Variants in GLCCI1 observed in about 807,000 individuals in gnomAD.
GLCCI1 encodes glucocorticoid induced 1, also known as glucocorticoid-induced transcript 1 protein.
A neutral mutation model predicts 52.2 loss-of-function variants in GLCCI1; 24 were observed. The observed-to-expected ratio is 0.46, with a 90% CI of 0.33 to 0.65. GLCCI1 has a LOEUF of 0.65. Ranked by LOEUF, GLCCI1 falls within the 30% of genes least tolerant of loss-of-function variation. The probability of loss-of-function intolerance (pLI) is 0.02; values close to 1 mark genes in which losing one functional copy is unlikely to be tolerated. For synonymous variants in GLCCI1, 310 were observed against 276.5 expected, an observed-to-expected ratio of 1.12 and a Z score of -1.20; for missense variants, 704 against 701.5, an observed-to-expected ratio of 1.00 and a Z score of -0.04.
chr7:8,008,312 G>A (rs1375918047), intron 2 of GLCCI1, among the ~76,000 whole-genome samples: 1 of 150,226 alleles, frequency 6.7e-6, no homozygotes, highest in Non-Finnish European at 1.5e-5. Flanking sequence ...TTGAGACAGG[G>A]TCTTGTTCTG....
intron 1 of GLCCI1, among the ~76,000 whole-genome samples, chr7:7,988,154 C>T (rs1243317914): frequency 6.6e-6 from 1 of 152,106 alleles, no homozygotes; most frequent in African/African-American, 2.4e-5. Context: ...AGAACTAAGG[C>T]AGCACTGGAG....
rs549520196 is a variant in GLCCI1 at position 7,975,440 on chromosome 7, A to C, written c.457+5633A>C. Among the ~76,000 whole-genome samples, 38 of 152,336 alleles carry C rather than the reference A, an allele frequency of 2.5e-4. No homozygotes were observed. The South Asian group carries it at 6.6e-3, about 27-fold the overall frequency. ...ATATTTGTGTGCTAACTATATACCA[A>C]GCAATGTATACTTTGATTCAGCAAG... is the stretch of plus-strand genomic sequence containing the variant. On this transcript the variant is annotated intron_variant, in intron 1 of 7. Transcript: ENST00000223145.
At chr7:8,021,504 C>T (rs1466467912) in intron 2 of GLCCI1, among the ~76,000 whole-genome samples, 8 of 151,970 alleles carry the variant, frequency 5.3e-5, no homozygotes, top group African/African-American at 1.7e-4. Flanking sequence ...CCTCTGCCTC[C>T]CGGGTTCAAG....
At position 8,047,952 on chromosome 7, in the gene GLCCI1, G is replaced by A. The variant is rs576449764; in HGVS notation, c.697-7481G>A. ...TTCTCCCAGAGTGTACTGCTGCTGG[G>A]TGACTTATCATGGGTGAAGGGATCC... On this transcript the variant is annotated intron_variant, in intron 3 of 7. Coordinates refer to ENST00000223145, the MANE Select transcript of GLCCI1 (RefSeq NM_138426.4). Among the ~76,000 whole-genome samples the A allele has an allele frequency of 2.6e-5, 4 of 152,228 alleles. No individual in the cohort carries two copies. The East Asian group carries it at 7.7e-4, about 29-fold the overall frequency.
At chr7:8,060,338 T>C in intron 5 of GLCCI1, 90 bp downstream of exon 5, 1 of 1,013,402 alleles carries the variant, frequency 9.9e-7, no homozygotes. Flanking sequence ...TTTGTTAAGA[T>C]ATAATTCACA....
rs60921023 is a variant in GLCCI1 at position 8,068,523 on chromosome 7, A to G, written c.967-2398A>G. The stretch of plus-strand genomic sequence containing the variant: ...GGTTCCTTCTTACAATGGCCATTTC[A>G]TCAATCAGCTCCTGTATTATTTTAT... On this transcript the variant is annotated intron_variant, in intron 5 of 7. Transcript: ENST00000223145. Among the ~76,000 whole-genome samples, 1,388 of 152,298 alleles carry G rather than the reference A, an allele frequency of 9.1e-3. 19 individuals carry two copies. The highest frequency in any genetic ancestry group is 0.034 in the Middle Eastern group (10 of 294).
chr7:7,990,605 C>G (rs1245451528), intron 1 of GLCCI1, among the ~76,000 whole-genome samples: 2 of 152,040 alleles, frequency 1.3e-5, no homozygotes, highest in African/African-American at 2.4e-5. Context: ...TGTATGCAGA[C>G]ATAGACTGGT....
At chr7:8,029,665 C>T (rs1017536021) in intron 3 of GLCCI1, among the ~76,000 whole-genome samples, 3 of 146,360 alleles carry the variant, frequency 2.0e-5, no homozygotes, top group Non-Finnish European at 4.5e-5. Flanking sequence ...CTGGAAAAAC[C>T]CAGACTCCAT....
At chr7:8,044,235 G>A (rs1782070550) in intron 3 of GLCCI1, among the ~76,000 whole-genome samples, 2 of 152,130 alleles carry the variant, frequency 1.3e-5, no homozygotes, top group Non-Finnish European at 2.9e-5. Context: ...ATGAGCCACC[G>A]TGCCTGGCCA....
chr7:8,004,067 C>T lies in GLCCI1; in HGVS notation c.609+8C>T, dbSNP rs369646524. On this transcript the variant is annotated splice_region_variant and intron_variant, in intron 2 of 7. Transcript: ENST00000223145. ...AAAGACAAAGCTACTCAGGTAAAAT[C>T]AGGAAATCAAAATCAGCTTATTACC... The T allele has an allele frequency of 5.1e-5, 82 of 1,610,718 alleles. No homozygotes were observed. The African/African-American group carries it at 8.9e-4, about 18-fold the overall frequency.
In GLCCI1 at chr7:8,022,381, T is replaced by G. The variant is rs1055591387; in HGVS notation, c.610-102T>G. 7 of 520,124 alleles carry G rather than the reference T, an allele frequency of 1.3e-5. No individual in the cohort carries two copies. In the African/African-American group the frequency reaches 1.4e-4, roughly 11 times the overall value. 32.2% of individuals were successfully genotyped at this position (520,124 alleles called of 1,614,324 possible). A position where few individuals can be genotyped will look rare whatever the true frequency, so the allele number is the denominator to read the frequency against. The stretch of plus-strand genomic sequence containing the variant: ...CGTTTAAAGGATTTTAGTATAGCTC[T>G]CTAACTGGTAAGTGCTAAGAATTTT... On this transcript the variant is annotated intron_variant, in intron 2 of 7. Coordinates refer to ENST00000223145, the MANE Select transcript of GLCCI1 (RefSeq NM_138426.4).
rs532777961 is a variant in GLCCI1, at chr7:8,025,855, A to T, written c.696+3286A>T. Among the ~76,000 whole-genome samples the T allele has an allele frequency of 3.1e-4, 47 of 152,374 alleles. 1 individual carries two copies. Among genetic ancestry groups the T allele is most frequent in the African/African-American group, 1.1e-3 (45 of 41,582 alleles). ...AAAAACTGTCAACCAGGTATTCTATATCCAGCAAAACTAGTCTTCCAAAGT... is the reference window on the plus strand; with the variant it reads ...AAAAACTGTCAACCAGGTATTCTATTTCCAGCAAAACTAGTCTTCCAAAGT... On this transcript the variant is annotated intron_variant, in intron 3 of 7. Coordinates refer to ENST00000223145, the MANE Select transcript of GLCCI1 (RefSeq NM_138426.4).
At chr7:7,999,895 C>G (rs991671406) in intron 1 of GLCCI1, among the ~76,000 whole-genome samples, 1 of 152,080 alleles carries the variant, frequency 6.6e-6, no homozygotes, top group East Asian at 1.9e-4. Context: ...CAGAACTAGA[C>G]CGTCTGTAGA....
chr7:8,057,307 C>G (rs1012180665), intron 4 of GLCCI1, among the ~76,000 whole-genome samples: 1 of 151,850 alleles, frequency 6.6e-6, no homozygotes, highest in Non-Finnish European at 1.5e-5. Flanking sequence ...GACAAACATC[C>G]GTCAAGTTGT....
At chr7:8,032,686 A>G (rs996745634) in intron 3 of GLCCI1, among the ~76,000 whole-genome samples, 28 of 152,060 alleles carry the variant, frequency 1.8e-4, no homozygotes, top group African/African-American at 6.3e-4. Context: ...GTAGAAAGGT[A>G]TAAAGTGCCA....
intron 3 of GLCCI1, among the ~76,000 whole-genome samples, chr7:8,039,754 T>G (rs2127954215): frequency 6.6e-6 from 1 of 152,260 alleles, no homozygotes; most frequent in African/African-American, 2.4e-5. Context: ...TCCAGCACTT[T>G]GGGAGGCCAC....
chr7:8,086,260 A>G lies in GLCCI1; in HGVS notation c.1366A>G (p.Thr456Ala). The G allele has an allele frequency of 6.2e-7, 1 of 1,614,076 alleles. No homozygotes were observed. Among genetic ancestry groups the G allele is most frequent in the Non-Finnish European group, 8.5e-7 (1 of 1,180,012 alleles). The change falls in exon 8 of 8, where the codon ACC becomes GCC. Residue 456 changes from threonine (T) to alanine (A), a missense_variant. Thr to Ala is a moderately conservative substitution (Grantham distance 58, BLOSUM62 0). Transcript: ENST00000223145. This position sits in a 1 kb window ranked among gnomAD's most constrained non-coding sequence, Gnocchi z 4.4. ...PDKNKVNFIP[T>A]GSAFCPVKLL... Reference sequence around the variant, plus strand: ...CAAAAACAAGGTTAATTTCATCCCAACCGGATCAGCTTTCTGTCCTGTAAA... The same window carrying G: ...CAAAAACAAGGTTAATTTCATCCCAGCCGGATCAGCTTTCTGTCCTGTAAA...
intron 1 of GLCCI1, among the ~76,000 whole-genome samples, chr7:7,993,763 T>G (rs1295208820): frequency 6.7e-6 from 1 of 150,124 alleles, no homozygotes; most frequent in East Asian, 1.9e-4. Context: ...CAATACTCCT[T>G]GACTTACAAT....
chr7:8,027,233 A>G (rs1205192072), intron 3 of GLCCI1, among the ~76,000 whole-genome samples: 12 of 152,258 alleles, frequency 7.9e-5, no homozygotes, highest in Admixed American at 5.9e-4. Context: ...CACGCCTGTA[A>G]TCCCAGCACC....
Sources: allele counts gnomAD v4.1 joint callset (sites outside exome capture counted in the v4.1 genomes callset), GRCh38; gene constraint gnomAD v4.1.1; non-coding constraint Gnocchi (gnomAD v3.1); transcripts MANE v1.5; gene names NCBI Gene and HGNC (gene_info 2026-07-23, HGNC 2026-07-21).